The following SIN3A variants were observed in gnomAD, a reference collection of about 807,000 sequenced individuals.
SIN3A encodes the protein SIN3 transcription regulator family member A.
Under a neutral mutation model 146.1 loss-of-function variants are expected in SIN3A, and 14 were observed. That is an observed-to-expected ratio of 0.10 (90% confidence interval 0.06 to 0.15). The LOEUF (loss-of-function observed/expected upper bound fraction) is 0.15, where lower values mean the gene tolerates loss of function less well. Ranked by LOEUF, SIN3A falls within the 10% of genes least tolerant of loss-of-function variation. The pLI is 1.00. For missense variants in SIN3A, 1,028 were observed against 1,576.0 expected, an observed-to-expected ratio of 0.65 and a Z score of 5.89; for synonymous variants, 572 against 572.0, an observed-to-expected ratio of 1.00 and a Z score of 0.00.
intron 1 of SIN3A, among the ~76,000 whole-genome samples, chr15:75,441,868 C>G (rs540544254): frequency 6.6e-6 from 1 of 152,150 alleles, no homozygotes; most frequent in South Asian, 2.1e-4. Context: ...TGCCTCTAAT[C>G]CCAGCACTCT....
Position 75,395,849 on chromosome 15 carries a change from G to T in SIN3A, c.2093+409C>A, listed in dbSNP as rs937633480. Among the ~76,000 whole-genome samples the T allele has an allele frequency of 2.0e-5, 3 of 152,312 alleles. No homozygotes were observed. The East Asian group carries it at 5.8e-4, about 29-fold the overall frequency. On this transcript the variant is annotated intron_variant, in intron 13 of 20. Coordinates refer to ENST00000394947, the MANE Select transcript of SIN3A (RefSeq NM_001145358.2). ...GAGCCTGGGAAGTTGAGGCTGCAGTGAGCTGTGTTCACACTACTGCACTCC... is the reference window on the plus strand; with the variant it reads ...GAGCCTGGGAAGTTGAGGCTGCAGTTAGCTGTGTTCACACTACTGCACTCC...
chr15:75,375,212 A>G (rs1336295045), intron 20 of SIN3A, among the ~76,000 whole-genome samples: 1 of 152,118 alleles, frequency 6.6e-6, no homozygotes. Flanking sequence ...CTCTGTCTCA[A>G]ACAAACAAAC....
chr15:75,391,849 G>T (rs2073208976), intron 15 of SIN3A, among the ~76,000 whole-genome samples: 1 of 152,178 alleles, frequency 6.6e-6, no homozygotes, highest in South Asian at 2.1e-4. Flanking sequence ...AAAAATATGA[G>T]AAAATTCTGT....
intron 5 of SIN3A, among the ~76,000 whole-genome samples, 174 bp downstream of exon 5, chr15:75,412,589 G>A (rs1043160609): frequency 6.6e-6 from 1 of 152,218 alleles, no homozygotes; most frequent in Non-Finnish European, 1.5e-5. Flanking sequence ...ACCTAAGTAA[G>A]TGATGTGTAA....
chr15:75,412,661 C>G, intron 5 of SIN3A, 102 bp downstream of exon 5: 1 of 1,184,120 alleles, frequency 8.4e-7, no homozygotes, highest in Middle Eastern at 3.0e-4. Context: ...ATCTTTGTAA[C>G]TTTGTTTCTC....
intron 20 of SIN3A, among the ~76,000 whole-genome samples, chr15:75,374,434 CA>C (rs1431589551): frequency 6.6e-6 from 1 of 152,226 alleles, no homozygotes; most frequent in Non-Finnish European, 1.5e-5. Flanking sequence ...ATTCCACTGC[CA>C]CCCTAGTAGT....
At chr15:75,399,901 A>G (rs766940153) in intron 12 of SIN3A, 139 bp downstream of exon 12, 54 of 638,216 alleles carry the variant, frequency 8.5e-5, no homozygotes, top group African/African-American at 3.6e-5. Flanking sequence ...AAAGCATGGA[A>G]AGTACCACAA....
At chr15:75,454,197 G>A (rs903972284), upstream of SIN3A, among the ~76,000 whole-genome samples, 1 of 152,140 alleles carries the variant, frequency 6.6e-6, no homozygotes. Context: ...CTCCAGCCCG[G>A]CCTCCCGATA....
At chr15:75,427,141 G>A (rs2073938645) in intron 2 of SIN3A, among the ~76,000 whole-genome samples, 1 of 149,134 alleles carries the variant, frequency 6.7e-6, no homozygotes, top group African/African-American at 2.5e-5. Flanking sequence ...GGGAGGTCAA[G>A]GCAGGCAGAT....
chr15:75,405,706 G>T (rs1457582812), intron 9 of SIN3A, among the ~76,000 whole-genome samples: 1 of 152,202 alleles, frequency 6.6e-6, no homozygotes, highest in African/African-American at 2.4e-5. Context: ...AGCCAAGATT[G>T]CGCCATTGCA....
chr15:75,383,905 G>A (rs1373281535), intron 17 of SIN3A: 1 of 153,832 alleles, frequency 6.5e-6, no homozygotes, highest in African/African-American at 2.4e-5. Context: ...TGTGAGCCAT[G>A]TGTGCTGGGC....
At chr15:75,453,927 C>T (rs576644121), upstream of SIN3A, 3 of 152,490 alleles carry the variant, frequency 2.0e-5, no homozygotes, top group African/African-American at 7.2e-5. Flanking sequence ...CCGCCCCCCT[C>T]GCCAAGGGCG....
chr15:75,375,170 G>A (rs946605667), intron 20 of SIN3A, among the ~76,000 whole-genome samples: 4 of 152,114 alleles, frequency 2.6e-5, no homozygotes, highest in African/African-American at 9.7e-5. Context: ...CGCCTGTAAT[G>A]CTAGCACTTT....
In SIN3A at chr15:75,424,466, G is replaced by A. The variant is rs371120041; in HGVS notation, c.190-1643C>T. Among the ~76,000 whole-genome samples, 372 of 152,106 alleles carry A rather than the reference G, an allele frequency of 2.4e-3. 1 individual carries two copies. Among genetic ancestry groups the A allele is most frequent in the African/African-American group, 8.4e-3 (349 of 41,520 alleles). On this transcript the variant is annotated intron_variant, in intron 2 of 20. Transcript: ENST00000394947. The stretch of plus-strand genomic sequence containing the variant: ...CAAAACAACAAAAATACATAAACCC[G>A]TAATTTTTTTTCTTACCTTTTTATT...
intron 20 of SIN3A, among the ~76,000 whole-genome samples, chr15:75,373,324 G>GCTGA (rs1051361313): frequency 8.5e-5 from 13 of 152,176 alleles, no homozygotes. Flanking sequence ...GATGCAGTGA[G>GCTGA]CTGAAATCAT....
chr15:75,391,848 AG>A (rs2073209078), intron 15 of SIN3A, among the ~76,000 whole-genome samples: 1 of 152,244 alleles, frequency 6.6e-6, no homozygotes, highest in African/African-American at 2.4e-5. Flanking sequence ...CAAAAATATG[AG>A]AAAATTCTGT....
chr15:75,386,980 T>C (rs563641488), intron 16 of SIN3A, among the ~76,000 whole-genome samples: 83 of 152,276 alleles, frequency 5.5e-4, no homozygotes, highest in Admixed American at 1.6e-3. Context: ...TAATTTTTTG[T>C]ATTTTTAATA....
chr15:75,407,187 T>C (rs1196965467), intron 8 of SIN3A, 43 bp from the exon 9 acceptor site: 2 of 1,294,350 alleles, frequency 1.5e-6, no homozygotes, highest in African/African-American at 1.5e-5. Context: ...AACGAGTGGT[T>C]TTCTCTGAAT....
At position 75,430,359 on chromosome 15, in the gene SIN3A, T is replaced by C; in HGVS notation, c.17A>G (p.Asp6Gly). Residue 6 changes from aspartate to glycine, a missense_variant, in exon 2 of 21, where the codon GAT (aspartate) becomes GGT (glycine). By Grantham distance (94) the Asp-to-Gly change is moderately conservative. Coordinates refer to ENST00000394947, the MANE Select transcript of SIN3A (RefSeq NM_001145358.2). ...TGCATACACCGGTGACTCCTGGTCATCCAAACGCCGCTTCATTCTGTGCTC... is the reference window on the plus strand; with the variant it reads ...TGCATACACCGGTGACTCCTGGTCACCCAAACGCCGCTTCATTCTGTGCTC... MKRRLDDQESPVYAAQ... is the reference protein window; with the variant it reads MKRRLGDQESPVYAAQ... 2 of 1,611,266 alleles carry C rather than the reference T, an allele frequency of 1.2e-6. No individual in the cohort carries two copies. The highest frequency in any genetic ancestry group is 8.5e-7 in the Non-Finnish European group (1 of 1,178,796).
Sources: allele counts gnomAD v4.1 joint callset (sites outside exome capture counted in the v4.1 genomes callset), GRCh38; gene constraint gnomAD v4.1.1; transcripts MANE v1.5; gene names NCBI Gene and HGNC (gene_info 2026-07-23, HGNC 2026-07-21).